The following CNTN5 variants were observed in gnomAD, a reference collection of about 807,000 sequenced individuals.
CNTN5 encodes the protein contactin-5.
Under a neutral mutation model 129.1 loss-of-function variants are expected in CNTN5, and 77 were observed. The ratio of observed to expected loss-of-function variants is 0.60; its 90% CI spans 0.50 to 0.72. The LOEUF is 0.72. CNTN5 is among the 30% of genes least tolerant of loss of function. CNTN5 has a pLI of 0.00. For synonymous variants in CNTN5, 509 were observed against 465.6 expected, an observed-to-expected ratio of 1.09 and a Z score of -1.20; for missense variants, 1,478 against 1,328.8, an observed-to-expected ratio of 1.11 and a Z score of -1.75.
At chr11:99,243,471 C>A (rs994679148) in intron 1 of CNTN5, among the ~76,000 whole-genome samples, 3 of 151,840 alleles carry the variant, frequency 2.0e-5, no homozygotes, top group Non-Finnish European at 4.4e-5. Context: ...TTTAATTAGG[C>A]CTTACTTGTC....
intron 1 of CNTN5, among the ~76,000 whole-genome samples, chr11:99,123,651 A>AG (rs1288511903): frequency 3.3e-5 from 4 of 119,514 alleles, no homozygotes; most frequent in African/African-American, 6.3e-5. Flanking sequence ...GTTATCTTCC[A>AG]GGGTTTTTTT....
chr11:99,909,902 G>A (rs1202941334), intron 6 of CNTN5, among the ~76,000 whole-genome samples: 2 of 151,932 alleles, frequency 1.3e-5, no homozygotes, highest in African/African-American at 4.8e-5. Context: ...CATGGCACAT[G>A]TATACATATG....
chr11:99,479,256 G>A (rs1945496647), intron 2 of CNTN5, among the ~76,000 whole-genome samples: 2 of 139,960 alleles, frequency 1.4e-5, no homozygotes, highest in Non-Finnish European at 3.1e-5. Context: ...GGTTCAGAAT[G>A]CCCTTCACAC....
At chr11:99,951,061 C>T (rs1328612791) in intron 7 of CNTN5, among the ~76,000 whole-genome samples, 2 of 151,528 alleles carry the variant, frequency 1.3e-5, no homozygotes, top group African/African-American at 4.9e-5. Context: ...TTTCTTCCAT[C>T]AGTTTTAGTT....
chr11:99,776,631 G>T lies in CNTN5; in HGVS notation c.56-42913G>T, dbSNP rs542945910. Among the ~76,000 whole-genome samples the T allele has an allele frequency of 6.0e-5, 9 of 151,244 alleles. No individual in the cohort carries two copies. In the East Asian group the frequency reaches 1.9e-3, roughly 32 times the overall value. On this transcript the variant is annotated intron_variant, in intron 3 of 24. Coordinates refer to ENST00000524871, the MANE Select transcript of CNTN5 (RefSeq NM_014361.4). ...TGTTTTGATGAGACTCAAAAACATTGATCCTGTTAACTTTTATTTTCAACT... is the reference window on the plus strand; with the variant it reads ...TGTTTTGATGAGACTCAAAAACATTTATCCTGTTAACTTTTATTTTCAACT...
chr11:99,225,147 A>G (rs983942732), intron 1 of CNTN5, among the ~76,000 whole-genome samples: 4 of 152,214 alleles, frequency 2.6e-5, no homozygotes, highest in African/African-American at 9.6e-5. Flanking sequence ...AAAAAATGAA[A>G]GAGGTGTTAC....
chr11:99,476,660 G>T (rs1945383334), intron 2 of CNTN5, among the ~76,000 whole-genome samples: 1 of 152,042 alleles, frequency 6.6e-6, no homozygotes, highest in African/African-American at 2.4e-5. Flanking sequence ...TGGTCAGATT[G>T]GGGCCCAAGT....
At chr11:99,937,098 A>C (rs1040645737) in intron 7 of CNTN5, among the ~76,000 whole-genome samples, 2 of 152,240 alleles carry the variant, frequency 1.3e-5, no homozygotes, top group African/African-American at 4.8e-5. Flanking sequence ...AGCTAGATCT[A>C]TGATCTTTCT....
chr11:99,980,163 T>A (rs1938241988), intron 8 of CNTN5, among the ~76,000 whole-genome samples: 1 of 152,228 alleles, frequency 6.6e-6, no homozygotes, highest in Non-Finnish European at 1.5e-5. Context: ...AAGATGACTT[T>A]AATGTAAGGG....
chr11:100,261,773 C>A (rs1285072872), intron 17 of CNTN5, among the ~76,000 whole-genome samples: 1 of 152,168 alleles, frequency 6.6e-6, no homozygotes, highest in Non-Finnish European at 1.5e-5. Flanking sequence ...GGACCCCTTC[C>A]TTACACCTTA....
chr11:99,352,955 G>C (rs1012816216), intron 2 of CNTN5, among the ~76,000 whole-genome samples: 4 of 152,146 alleles, frequency 2.6e-5, no homozygotes, highest in Non-Finnish European at 4.4e-5. Context: ...AGGCAAGCCA[G>C]CTCAGGCTCT....
intron 1 of CNTN5, among the ~76,000 whole-genome samples, chr11:99,114,998 G>C (rs1275803874): frequency 6.6e-6 from 1 of 152,082 alleles, no homozygotes; most frequent in African/African-American, 2.4e-5. Context: ...GCTCAAGAGA[G>C]CTCCCTTCCC....
intron 1 of CNTN5, among the ~76,000 whole-genome samples, chr11:99,247,251 A>C (rs996951148): frequency 6.6e-6 from 1 of 152,062 alleles, no homozygotes; most frequent in African/African-American, 2.4e-5. Flanking sequence ...TTCTCTCTCC[A>C]TTTAAAGATA....
At chr11:99,750,374 C>G (rs1431321194) in intron 3 of CNTN5, among the ~76,000 whole-genome samples, 3 of 152,124 alleles carry the variant, frequency 2.0e-5, no homozygotes, top group African/African-American at 7.2e-5. Flanking sequence ...ACTACTAATT[C>G]ATTTTACTTG....
chr11:99,344,328 A>G (rs1238154369), intron 2 of CNTN5, among the ~76,000 whole-genome samples: 1 of 151,946 alleles, frequency 6.6e-6, no homozygotes, highest in African/African-American at 2.4e-5. Flanking sequence ...ACTGAAAAGA[A>G]TAGGAAAAAA....
At chr11:99,500,441 T>C (rs1203488757) in intron 2 of CNTN5, among the ~76,000 whole-genome samples, 1 of 152,192 alleles carries the variant, frequency 6.6e-6, no homozygotes, top group Non-Finnish European at 1.5e-5. Flanking sequence ...AACTCTCGTT[T>C]CTATTTTTCA....
intron 2 of CNTN5, among the ~76,000 whole-genome samples, chr11:99,458,727 C>T (rs886521482): frequency 4.0e-5 from 6 of 151,888 alleles, no homozygotes; most frequent in Non-Finnish European, 7.4e-5. Flanking sequence ...AACCATATAG[C>T]CTTGGTATAG....
intron 2 of CNTN5, among the ~76,000 whole-genome samples, chr11:99,408,577 T>A (rs897980889): frequency 4.6e-5 from 7 of 152,098 alleles, no homozygotes; most frequent in Non-Finnish European, 8.8e-5. Context: ...CAAGGCATCC[T>A]CCTGCCTCGG....
intron 2 of CNTN5, among the ~76,000 whole-genome samples, chr11:99,370,358 G>T (rs193021338): frequency 2.0e-5 from 3 of 152,220 alleles, no homozygotes; most frequent in South Asian, 2.1e-4. Context: ...TTTTTAGGTC[G>T]CAAAGAAAAA....
Sources: allele counts gnomAD v4.1 joint callset (sites outside exome capture counted in the v4.1 genomes callset), GRCh38; gene constraint gnomAD v4.1.1; transcripts MANE v1.5; gene names NCBI Gene and HGNC (gene_info 2026-07-23, HGNC 2026-07-21).